RERE: variants seen among roughly 807,000 people sequenced by gnomAD.
RERE encodes the protein arginine-glutamic acid dipeptide repeats protein.
RERE carries 40 observed loss-of-function variants against 146.1 expected under a neutral mutation model. That is an observed-to-expected ratio of 0.27 (90% CI 0.21 to 0.36). The LOEUF is 0.36. RERE is among the 10% of genes least tolerant of loss of function. The probability of loss-of-function intolerance (pLI) is 1.00; values close to 1 mark genes in which losing one functional copy is unlikely to be tolerated. For missense variants in RERE, 1,933 were observed against 2,138.7 expected (o/e 0.90, Z 1.90); for synonymous variants, 1,003 against 866.0 (o/e 1.16, Z -2.78).
At chr1:8,513,528 C>T (rs368499580) in intron 7 of RERE, among the ~76,000 whole-genome samples, 1 of 152,170 alleles carries the variant, frequency 6.6e-6, no homozygotes, top group Non-Finnish European at 1.5e-5. Flanking sequence ...AACAAGTTCC[C>T]GGCACTCTGG....
chr1:8,383,783 C>A (rs565998769), intron 12 of RERE, among the ~76,000 whole-genome samples: 3 of 151,850 alleles, frequency 2.0e-5, no homozygotes, highest in Non-Finnish European at 4.4e-5. Flanking sequence ...CGCTTGAGCC[C>A]GGGAGGTGAA....
At chr1:8,746,662 AC>A (rs1291241260) in intron 1 of RERE, among the ~76,000 whole-genome samples, 1 of 152,000 alleles carries the variant, frequency 6.6e-6, no homozygotes, top group Non-Finnish European at 1.5e-5. Flanking sequence ...ATACTGACAT[AC>A]GAGTCATGAT....
At chr1:8,688,653 G>T (rs1432957865) in intron 1 of RERE, among the ~76,000 whole-genome samples, 1 of 152,218 alleles carries the variant, frequency 6.6e-6, no homozygotes, top group Non-Finnish European at 1.5e-5. Flanking sequence ...GCTAAGGTGG[G>T]AGGATAACTT....
chr1:8,716,732 C>CT (rs557717627), intron 1 of RERE, among the ~76,000 whole-genome samples: 171 of 151,870 alleles, frequency 1.1e-3, no homozygotes, highest in Middle Eastern at 3.4e-3. Context: ...TCTTTGCTAC[C>CT]TTTTTTTAAA....
Position 8,364,345 on chromosome 1 carries a change from C to T in RERE, c.1541-90G>A, listed in dbSNP as rs1201503564. On this transcript the variant is annotated intron_variant, in intron 14 of 22. Transcript: ENST00000400908. The surrounding 1 kb of genome is among the most constrained non-coding windows in gnomAD (Gnocchi z 5.1). ...AGAGGGGCCCTTCTGTGGGCTCTAC[C>T]CAAACCTGATGCCACCAGCACCATG... 8.5e-7 allele frequency: 1 copy of T among 1,175,970 alleles called. No individual in the cohort carries two copies. The highest frequency in any genetic ancestry group is 1.8e-5 in the Admixed American group (1 of 57,104). The allele number at this position is 1,175,970 out of a possible 1,614,324, so 72.8% of individuals were successfully genotyped here.
At chr1:8,666,424 T>C (rs1405936737) in intron 1 of RERE, among the ~76,000 whole-genome samples, 2 of 152,230 alleles carry the variant, frequency 1.3e-5, no homozygotes, top group Non-Finnish European at 2.9e-5. Context: ...CTTACTCTGC[T>C]AGCCCTGCCT....
At chr1:8,609,274 T>C (rs868603470) in intron 4 of RERE, among the ~76,000 whole-genome samples, 2 of 151,488 alleles carry the variant, frequency 1.3e-5, no homozygotes, top group African/African-American at 4.9e-5. Context: ...TGGGGACAAC[T>C]GCTCCAGGTG....
At chr1:8,727,912 T>C (rs545270007) in intron 1 of RERE, among the ~76,000 whole-genome samples, 56 of 152,352 alleles carry the variant, frequency 3.7e-4, no homozygotes, top group Middle Eastern at 3.4e-3. Context: ...TGCAAAGACT[T>C]CTAAAACAAA....
chr1:8,706,892 T>A (rs1639570335), intron 1 of RERE, among the ~76,000 whole-genome samples: 1 of 152,206 alleles, frequency 6.6e-6, no homozygotes, highest in Non-Finnish European at 1.5e-5. Flanking sequence ...CTATAATTTT[T>A]CAGGTGTTTT....
intron 1 of RERE, among the ~76,000 whole-genome samples, chr1:8,779,000 C>A (rs1019960839): frequency 2.0e-5 from 3 of 151,772 alleles, no homozygotes; most frequent in East Asian, 2.0e-4. Context: ...GCATGTACCA[C>A]CATGCCTGGC....
intron 11 of RERE, among the ~76,000 whole-genome samples, chr1:8,432,037 A>G (rs1290401312): frequency 6.6e-6 from 1 of 152,180 alleles, no homozygotes; most frequent in Admixed American, 6.5e-5. Flanking sequence ...CAGTGACTGC[A>G]CTGGTCTCCT....
intron 12 of RERE, among the ~76,000 whole-genome samples, chr1:8,382,026 G>A (rs1446089019): frequency 6.6e-6 from 1 of 152,198 alleles, no homozygotes; most frequent in Non-Finnish European, 1.5e-5. Context: ...AGAGCACTCA[G>A]GAAAGTGGTT....
chr1:8,635,702 C>CT (rs1202485097), intron 2 of RERE, among the ~76,000 whole-genome samples: 1 of 152,108 alleles, frequency 6.6e-6, no homozygotes, highest in African/African-American at 2.4e-5. Flanking sequence ...ATGAAAGACC[C>CT]TTTGTCTTAT....
chr1:8,452,314 T>C (rs935239913), intron 11 of RERE, among the ~76,000 whole-genome samples: 3 of 152,128 alleles, frequency 2.0e-5, no homozygotes, highest in Non-Finnish European at 2.9e-5. Context: ...CCTCTCTAGA[T>C]TCTGTGGTGA....
intron 1 of RERE, chr1:8,787,041 A>G (rs1641271643): frequency 1.8e-6 from 1 of 548,870 alleles, no homozygotes; most frequent in African/African-American, 1.9e-5. Flanking sequence ...AAAACCTTCC[A>G]GTGGCATTAT....
chr1:8,576,105 T>C (rs2124023865), intron 4 of RERE, among the ~76,000 whole-genome samples: 1 of 152,276 alleles, frequency 6.6e-6, no homozygotes, highest in Admixed American at 6.5e-5. Context: ...TAGGTTTGAT[T>C]GTTGACTTGA....
chr1:8,500,814 G>T (rs1645125377), intron 8 of RERE, among the ~76,000 whole-genome samples: 1 of 151,042 alleles, frequency 6.6e-6, no homozygotes, highest in African/African-American at 2.4e-5. Context: ...GAGCGCCTCT[G>T]CCCCGCCGCC....
chr1:8,513,159 A>AAAAAAT (rs1207206953), intron 7 of RERE: 2 of 152,232 alleles, frequency 1.3e-5, no homozygotes, highest in African/African-American at 4.8e-5. Flanking sequence ...AGCTTATTAC[A>AAAAAAT]AAAAATAAAA....
rs1221396303 is a variant in RERE, at chr1:8,564,796, T to C, written c.523-7273A>G. 2.9e-5 allele frequency among the ~76,000 whole-genome samples: 4 copies of C among 138,002 alleles called. No individual in the cohort carries two copies. In the East Asian group the frequency reaches 8.7e-4, roughly 30 times the overall value. 90.5% of individuals were successfully genotyped at this position (138,002 alleles called of 152,430 possible). A position where few individuals can be genotyped will look rare whatever the true frequency, so the allele number is the denominator to read the frequency against. ...ATCAACAATGAATGGAGACAGAAAA[T>C]GTGGTGTGTGTGTATGTATGTGTGT... On this transcript the variant is annotated intron_variant, in intron 4 of 22. Coordinates refer to ENST00000400908, the MANE Select transcript of RERE (RefSeq NM_001042681.2).
Sources: allele counts gnomAD v4.1 joint callset (sites outside exome capture counted in the v4.1 genomes callset), GRCh38; gene constraint gnomAD v4.1.1; non-coding constraint Gnocchi (gnomAD v3.1); transcripts MANE v1.5; gene names NCBI Gene and HGNC (gene_info 2026-07-23, HGNC 2026-07-21).